The following SAMMSON variants were observed in gnomAD, a reference collection of about 807,000 sequenced individuals.
SAMMSON encodes the protein long intergenic non-protein coding RNA 1212.
At chr3:70,239,254 G>T (rs918901151) in intron 4 of SAMMSON, among the ~76,000 whole-genome samples, 5 of 152,028 alleles carry the variant, frequency 3.3e-5, no homozygotes, top group Admixed American at 6.6e-5. Context: ...TTGTTATCTT[G>T]ATTTCAAAGA....
At chr3:70,256,959 A>G (rs1701822467) in intron 6 of SAMMSON, among the ~76,000 whole-genome samples, 1 of 152,190 alleles carries the variant, frequency 6.6e-6, no homozygotes, top group Non-Finnish European at 1.5e-5. Context: ...GTGAAGCACA[A>G]GGAAAAGCCC....
At chr3:70,009,448 A>T (rs1339871247) in intron 1 of SAMMSON, among the ~76,000 whole-genome samples, 1 of 151,692 alleles carries the variant, frequency 6.6e-6, no homozygotes, top group Non-Finnish European at 1.5e-5. Flanking sequence ...ATAGTATTTT[A>T]TGGTAGTTTG....
intron 4 of SAMMSON, among the ~76,000 whole-genome samples, chr3:70,142,274 C>T (rs971705422): frequency 3.6e-4 from 55 of 152,102 alleles, no homozygotes; most frequent in African/African-American, 1.3e-3. Context: ...AAACATGGAA[C>T]CAACCCAAGT....
intron 7 of SAMMSON, among the ~76,000 whole-genome samples, chr3:70,320,379 T>C (rs1227445948): frequency 6.6e-6 from 1 of 152,080 alleles, no homozygotes; most frequent in East Asian, 1.9e-4. Context: ...CAAAACCCTC[T>C]TTTTTAAGCT....
At chr3:70,409,796 C>A (rs541185864) in intron 2 of SAMMSON, among the ~76,000 whole-genome samples, 1 of 152,136 alleles carries the variant, frequency 6.6e-6, no homozygotes, top group East Asian at 1.9e-4. Context: ...TAGATTTGTT[C>A]TTTTATTCAT....
chr3:70,245,297 T>G (rs1239710705), intron 4 of SAMMSON, among the ~76,000 whole-genome samples: 1 of 152,072 alleles, frequency 6.6e-6, no homozygotes, highest in Non-Finnish European at 1.5e-5. Context: ...AAAATTACTT[T>G]TGGATAACAT....
chr3:70,134,983 C>G (rs2067499722), intron 4 of SAMMSON, among the ~76,000 whole-genome samples: 1 of 152,008 alleles, frequency 6.6e-6, no homozygotes, highest in Non-Finnish European at 1.5e-5. Flanking sequence ...TGGCATGAAC[C>G]CAAATATGAA....
At chr3:70,155,614 T>C (rs1197077349) in intron 4 of SAMMSON, among the ~76,000 whole-genome samples, 3 of 152,124 alleles carry the variant, frequency 2.0e-5, no homozygotes, top group Non-Finnish European at 4.4e-5. Context: ...TAATTAGGTT[T>C]GCAGAAGTCA....
chr3:70,116,579 A>T (rs569093251), intron 4 of SAMMSON, among the ~76,000 whole-genome samples: 4 of 152,134 alleles, frequency 2.6e-5, no homozygotes, highest in East Asian at 3.9e-4. Context: ...AAAACTAAAT[A>T]AAAAAATATC....
chr3:70,061,993 C>G (rs549807952), intron 3 of SAMMSON, among the ~76,000 whole-genome samples: 1 of 152,278 alleles, frequency 6.6e-6, no homozygotes, highest in South Asian at 2.1e-4. Context: ...CATTCGTTCT[C>G]TGCAGTATTT....
At chr3:70,040,614 C>T (rs1317220379) in intron 3 of SAMMSON, among the ~76,000 whole-genome samples, 1 of 152,120 alleles carries the variant, frequency 6.6e-6, no homozygotes, top group Non-Finnish European at 1.5e-5. Context: ...TGCAGGCTTC[C>T]ACCACCCTTT....
At chr3:70,104,123 T>C (rs1053843248) in intron 4 of SAMMSON, among the ~76,000 whole-genome samples, 4 of 152,074 alleles carry the variant, frequency 2.6e-5, no homozygotes, top group Non-Finnish European at 5.9e-5. Context: ...TTTCTGCTTT[T>C]TATTAATTGT....
chr3:70,035,979 G>A (rs1475408360), intron 3 of SAMMSON, among the ~76,000 whole-genome samples: 1 of 152,150 alleles, frequency 6.6e-6, no homozygotes, highest in African/African-American at 2.4e-5. Flanking sequence ...ATCAAAAATA[G>A]TACCTGAAGA....
At chr3:70,206,084 G>C (rs1701288294) in intron 4 of SAMMSON, among the ~76,000 whole-genome samples, 1 of 151,850 alleles carries the variant, frequency 6.6e-6, no homozygotes, top group African/African-American at 2.4e-5. Context: ...ATAATACCCA[G>C]GGGAACCACT....
At chr3:70,215,596 A>C (rs1389554626) in intron 4 of SAMMSON, among the ~76,000 whole-genome samples, 1 of 152,014 alleles carries the variant, frequency 6.6e-6, no homozygotes, top group East Asian at 1.9e-4. Context: ...TTCCTTTGGG[A>C]GCCCCCAGAA....
chr3:70,151,214 A>G (rs945574074), intron 4 of SAMMSON, among the ~76,000 whole-genome samples: 3 of 152,006 alleles, frequency 2.0e-5, no homozygotes, highest in African/African-American at 7.2e-5. Context: ...GACTTGAAGA[A>G]AAAGGGGAAG....
chr3:70,290,415 C>G (rs532548879), intron 6 of SAMMSON, among the ~76,000 whole-genome samples: 104 of 152,330 alleles, frequency 6.8e-4, no homozygotes, highest in South Asian at 2.5e-3. Flanking sequence ...CAGTCTGCCC[C>G]TTCTCAGATC....
At chr3:70,405,144 G>A (rs1701168614) in intron 2 of SAMMSON, among the ~76,000 whole-genome samples, 1 of 152,034 alleles carries the variant, frequency 6.6e-6, no homozygotes, top group Non-Finnish European at 1.5e-5. Context: ...CTAAACAATG[G>A]GGCATTTGGT....
At chr3:70,259,931 G>T (rs1446591201) in intron 6 of SAMMSON, among the ~76,000 whole-genome samples, 1 of 152,120 alleles carries the variant, frequency 6.6e-6, no homozygotes, top group Admixed American at 6.5e-5. Context: ...AGTGCCAAGT[G>T]AAGGGGAAAG....
Sources: gnomAD v4.1 joint callset for allele counts (sites outside exome capture counted in the v4.1 genomes callset) on GRCh38, gnomAD v4.1.1 for gene constraint, MANE v1.5 for transcripts, NCBI Gene and HGNC (gene_info 2026-07-23, HGNC 2026-07-21) for gene names.